Variants in DHRS4L2 observed in about 807,000 individuals in gnomAD.
The protein encoded by DHRS4L2 is dehydrogenase/reductase 4 like 2, also known as dehydrogenase/reductase SDR family member 4-like 2.
Under a neutral mutation model 23.9 loss-of-function variants are expected in DHRS4L2, and 22 were observed. The observed-to-expected ratio is 0.92, with a 90% CI of 0.66 to 1.31. The LOEUF is 1.31. Ranked by LOEUF, DHRS4L2 falls within the 40% of genes most tolerant of loss-of-function variation. The pLI is 0.00. For synonymous variants in DHRS4L2, 141 were observed against 123.7 expected, an observed-to-expected ratio of 1.14 and a Z score of -0.93; for missense variants, 385 against 303.3, an observed-to-expected ratio of 1.27 and a Z score of -2.00.
chr14:23,983,427 T>C (rs892272323), intron 1 of DHRS4L2, among the ~76,000 whole-genome samples: 7 of 151,708 alleles, frequency 4.6e-5, no homozygotes, highest in African/African-American at 7.3e-5. Context: ...TTTTACACTG[T>C]TGGTGGTAGT....
At chr14:23,991,055 G>A (rs1485440216) in intron 2 of DHRS4L2, 1 of 240,464 alleles carries the variant, frequency 4.2e-6, no homozygotes, top group East Asian at 1.8e-4. Flanking sequence ...ATTCACAAAG[G>A]AAGCTCCTCT....
upstream of DHRS4L2, among the ~76,000 whole-genome samples, chr14:23,984,713 A>T (rs1410767656): frequency 6.8e-6 from 1 of 147,768 alleles, no homozygotes; most frequent in African/African-American, 2.5e-5. Context: ...AGGCTGAGGC[A>T]GGAGAATCGC....
At chr14:24,005,759 C>G in intron 7 of DHRS4L2, 127 bp from the exon 8 acceptor site, 8 of 1,523,608 alleles carry the variant, frequency 5.3e-6, no homozygotes, top group Non-Finnish European at 6.2e-6. Context: ...AGGCAGAAAG[C>G]TTGTACACTG....
intron 3 of DHRS4L2, among the ~76,000 whole-genome samples, chr14:23,998,250 C>G (rs1446887998): frequency 6.6e-6 from 1 of 151,966 alleles, no homozygotes; most frequent in African/African-American, 2.4e-5. Flanking sequence ...AGAGCACAGG[C>G]AGAGTAGATT....
At position 24,000,946 on chromosome 14, in the gene DHRS4L2, A is replaced by C. The variant is rs756575609; in HGVS notation, c.479+13A>C. 1 of 1,611,314 alleles carries C rather than the reference A, an allele frequency of 6.2e-7. No homozygotes were observed. The highest frequency in any genetic ancestry group is 2.2e-5 in the East Asian group (1 of 44,872). ...TGGAGAAACGAGGGTACAGAGAGTG[A>C]GAGAGAGCCTGGGTGAGAGGGGACC... On this transcript the variant is annotated intron_variant, in intron 4 of 7. Coordinates refer to ENST00000335125, the MANE Select transcript of DHRS4L2 (RefSeq NM_198083.4).
intron 1 of DHRS4L2, among the ~76,000 whole-genome samples, chr14:23,973,249 A>C (rs1481772600): frequency 6.6e-6 from 1 of 151,900 alleles, no homozygotes; most frequent in Middle Eastern, 3.2e-3. Context: ...CCCTGCTTTC[A>C]AGGGCAGAGG....
At chr14:23,991,340 A>G (rs1016492994) in intron 2 of DHRS4L2, among the ~76,000 whole-genome samples, 40 of 151,772 alleles carry the variant, frequency 2.6e-4, no homozygotes, top group Non-Finnish European at 4.9e-4. Context: ...CTTGGCTTAG[A>G]CTGGTCGACA....
At chr14:23,989,761 C>T (rs953062015) in intron 1 of DHRS4L2, among the ~76,000 whole-genome samples, 2 of 151,710 alleles carry the variant, frequency 1.3e-5, no homozygotes, top group Admixed American at 1.3e-4. Context: ...CACATGCACC[C>T]CAAAAAATAA....
chr14:23,984,998 A>G (rs776079086), upstream of DHRS4L2, among the ~76,000 whole-genome samples: 3 of 151,150 alleles, frequency 2.0e-5, no homozygotes, highest in Non-Finnish European at 3.0e-5. Flanking sequence ...ATAGGGAGAA[A>G]GGGGTGGTTG....
At chr14:23,985,069 C>A (rs2034116643), upstream of DHRS4L2, among the ~76,000 whole-genome samples, 1 of 151,364 alleles carries the variant, frequency 6.6e-6, no homozygotes, top group African/African-American at 2.4e-5. Flanking sequence ...CAGTAGTCTC[C>A]AGAGGTTCCA....
At chr14:23,977,109 A>T (rs1594453207) in intron 1 of DHRS4L2, among the ~76,000 whole-genome samples, 1 of 151,930 alleles carries the variant, frequency 6.6e-6, no homozygotes, top group African/African-American at 2.4e-5. Context: ...ATAATAATAA[A>T]AAAAGAAATT....
upstream of DHRS4L2, among the ~76,000 whole-genome samples, chr14:23,985,241 C>A (rs1273093172): frequency 6.6e-6 from 1 of 151,648 alleles, no homozygotes; most frequent in African/African-American, 2.4e-5. Flanking sequence ...TCACGACCCT[C>A]AGGCCTTTGG....
intron 1 of DHRS4L2, 69 bp downstream of exon 1, chr14:23,989,144 G>A: frequency 6.5e-7 from 1 of 1,535,696 alleles, no homozygotes; most frequent in Non-Finnish European, 8.8e-7. Flanking sequence ...CTCGTCCTTT[G>A]CCTCCAGTGC....
Position 23,990,321 on chromosome 14 carries a change from G to A in DHRS4L2, c.268G>A (p.Val90Met), listed in dbSNP as rs2034244146. The A allele has an allele frequency of 1.2e-6, 2 of 1,612,146 alleles. No individual in the cohort carries two copies. The highest frequency in any genetic ancestry group is 1.7e-6 in the Non-Finnish European group (2 of 1,179,048). ...GLSVTGTVCH[V>M]GKAEDRERLV... Reference sequence around the variant, plus strand: ...GAGCGTGACGGGCACTGTGTGCCATGTGGGGAAGGCGGAGGACCGGGAGCG... The same window carrying A: ...GAGCGTGACGGGCACTGTGTGCCATATGGGGAAGGCGGAGGACCGGGAGCG... Residue 90 changes from valine to methionine, a missense_variant, in exon 2 of 8, where the codon GTG becomes ATG. Coordinates refer to ENST00000335125, the MANE Select transcript of DHRS4L2 (RefSeq NM_198083.4).
intron 3 of DHRS4L2, among the ~76,000 whole-genome samples, chr14:24,000,416 C>T (rs1348984812): frequency 0.016 from 2,402 of 147,358 alleles, no homozygotes; most frequent in Non-Finnish European, 0.027. Context: ...CATCTCACTC[C>T]CTAAGCCCAG....
upstream of DHRS4L2, among the ~76,000 whole-genome samples, chr14:23,984,313 T>A (rs920338197): frequency 2.6e-5 from 4 of 151,874 alleles, no homozygotes; most frequent in African/African-American, 9.6e-5. Context: ...TGTTTTATTT[T>A]TATAATTTAA....
chr14:23,999,367 A>AAAAAAAACAAAAC (rs2034444125), intron 3 of DHRS4L2, among the ~76,000 whole-genome samples: 22 of 116,792 alleles, frequency 1.9e-4, no homozygotes, highest in South Asian at 1.3e-3. Flanking sequence ...AAAAAAAAAA[A>AAAAAAAACAAAAC]AAAAAAACAA....
chr14:23,984,332 T>C (rs1421978675), upstream of DHRS4L2, among the ~76,000 whole-genome samples: 1 of 151,628 alleles, frequency 6.6e-6, no homozygotes, highest in Non-Finnish European at 1.5e-5. Context: ...AATGAACAGA[T>C]GTGTTGATTT....
chr14:23,984,335 G>T (rs1047390971), upstream of DHRS4L2, among the ~76,000 whole-genome samples: 8 of 151,452 alleles, frequency 5.3e-5, no homozygotes, highest in African/African-American at 1.9e-4. Context: ...GAACAGATGT[G>T]TTGATTTGAA....
Sources: allele counts gnomAD v4.1 joint callset (sites outside exome capture counted in the v4.1 genomes callset), GRCh38; gene constraint gnomAD v4.1.1; transcripts MANE v1.5; gene names NCBI Gene and HGNC (gene_info 2026-07-23, HGNC 2026-07-21).